TAOK3: variants seen among roughly 807,000 people sequenced by gnomAD.
TAOK3 encodes the protein TAO kinase 3, also known as serine/threonine-protein kinase TAO3.
A neutral mutation model predicts 120.4 loss-of-function variants in TAOK3; 40 were observed. The ratio of observed to expected loss-of-function variants is 0.33; its 90% CI spans 0.26 to 0.43. TAOK3 has a LOEUF of 0.43. TAOK3 is among the 20% of genes least tolerant of loss of function. TAOK3 has a pLI of 1.00. For missense variants in TAOK3, 821 were observed against 1,112.1 expected, an observed-to-expected ratio of 0.74 and a Z score of 3.72; for synonymous variants, 355 against 387.5, an observed-to-expected ratio of 0.92 and a Z score of 0.99.
At chr12:118,269,749 A>C (rs1593361313) in intron 1 of TAOK3, among the ~76,000 whole-genome samples, 1 of 152,132 alleles carries the variant, frequency 6.6e-6, no homozygotes, top group East Asian at 1.9e-4. Context: ...TTCTAAAATT[A>C]TCTCTCTAAG....
intron 1 of TAOK3, chr12:118,359,584 C>A (rs1300043505): frequency 6.6e-6 from 1 of 152,164 alleles, no homozygotes; most frequent in Non-Finnish European, 1.5e-5. Context: ...AAAGTTAATT[C>A]TCTTTTAAAC....
chr12:118,221,736 G>A (rs1056335717), intron 9 of TAOK3, among the ~76,000 whole-genome samples: 6 of 147,192 alleles, frequency 4.1e-5, no homozygotes, highest in African/African-American at 7.5e-5. Flanking sequence ...ACAGGTTCAC[G>A]CCATTCTCTT....
At chr12:118,246,197 C>T (rs1051170000) in intron 3 of TAOK3, 12 of 1,410,538 alleles carry the variant, frequency 8.5e-6, no homozygotes, top group African/African-American at 1.4e-5. Context: ...GCCGGGGTCG[C>T]GGCCGTGGAC....
In TAOK3 at chr12:118,233,667, T is replaced by C. The variant is rs1167546701; in HGVS notation, c.643+7A>G. 6.3e-7 allele frequency: 1 copy of C among 1,583,986 alleles called. No homozygotes were observed. Among genetic ancestry groups the C allele is most frequent in the African/African-American group, 1.3e-5 (1 of 74,164 alleles). On this transcript the variant is annotated splice_region_variant and intron_variant, in intron 9 of 20. Transcript: ENST00000392533. ...AATACAATGAAAACAAATAACTCTTTACTCACCCAATTCAATACAAGTGAT... is the reference window on the plus strand; with the variant it reads ...AATACAATGAAAACAAATAACTCTTCACTCACCCAATTCAATACAAGTGAT...
chr12:118,233,874 G>C, intron 8 of TAOK3, 109 bp from the exon 9 acceptor site: 1 of 683,778 alleles, frequency 1.5e-6, no homozygotes, highest in South Asian at 1.7e-5. Flanking sequence ...AATTTTATCT[G>C]ATATAGATAT....
chr12:118,237,632 A>C (rs2040070083), intron 7 of TAOK3, among the ~76,000 whole-genome samples: 1 of 152,218 alleles, frequency 6.6e-6, no homozygotes, highest in Non-Finnish European at 1.5e-5. Flanking sequence ...CTAAGTATCT[A>C]TATGAACTAT....
At chr12:118,334,858 G>T (rs2141057421) in intron 1 of TAOK3, among the ~76,000 whole-genome samples, 1 of 150,248 alleles carries the variant, frequency 6.7e-6, no homozygotes, top group Admixed American at 6.6e-5. Context: ...CTTGGGGCTT[G>T]GGTGACAGAG....
At chr12:118,342,874 C>G (rs2044674707) in intron 1 of TAOK3, among the ~76,000 whole-genome samples, 1 of 139,012 alleles carries the variant, frequency 7.2e-6, no homozygotes, top group Admixed American at 7.9e-5. Context: ...GCCAAGGTTA[C>G]AGTGAGTGGC....
intron 1 of TAOK3, among the ~76,000 whole-genome samples, chr12:118,303,987 C>G (rs1177248478): frequency 6.6e-6 from 1 of 152,184 alleles, no homozygotes; most frequent in Non-Finnish European, 1.5e-5. Flanking sequence ...CAGGTAACTT[C>G]TCTCTTTACA....
chr12:118,270,269 A>C (rs1246652841), intron 1 of TAOK3, among the ~76,000 whole-genome samples: 1 of 151,628 alleles, frequency 6.6e-6, no homozygotes, highest in Non-Finnish European at 1.5e-5. Context: ...CTGTTTTTCC[A>C]TTTCTCTGGC....
intron 1 of TAOK3, among the ~76,000 whole-genome samples, chr12:118,268,959 G>T (rs998207894): frequency 9.2e-5 from 14 of 151,998 alleles, no homozygotes; most frequent in Middle Eastern, 3.2e-3. Context: ...GGTGAGCCGA[G>T]ATCATGCCAT....
chr12:118,293,673 C>CA lies in TAOK3; in HGVS notation c.-193-26915dup, dbSNP rs1001779572. Among the ~76,000 whole-genome samples, 583 of 119,704 alleles carry CA rather than the reference C, an allele frequency of 4.9e-3. 1 individual carries two copies. The highest frequency in any genetic ancestry group is 0.01 in the African/African-American group (332 of 32,062). The allele number at this position is 119,704 out of a possible 152,430, so 78.5% of individuals were successfully genotyped here. On this transcript the variant is annotated intron_variant, in intron 1 of 20. Coordinates refer to ENST00000392533, the MANE Select transcript of TAOK3 (RefSeq NM_016281.4). The stretch of plus-strand genomic sequence containing the variant: ...TGGGTGATAGAGCGAGACTCTGTCT[C>CA]AAAAAAAAAAAGGAGAGACAAGCCA...
chr12:118,339,232 A>C (rs1050158300), intron 1 of TAOK3, among the ~76,000 whole-genome samples: 1 of 151,298 alleles, frequency 6.6e-6, no homozygotes, highest in African/African-American at 2.4e-5. Context: ...AGAAACCAAC[A>C]CAAGAGTTGG....
chr12:118,262,826 CAAA>C (rs61453663), intron 2 of TAOK3, among the ~76,000 whole-genome samples: 2 of 73,788 alleles, frequency 2.7e-5, no homozygotes, highest in Admixed American at 3.2e-4. Flanking sequence ...GACTCCGTCT[CAAA>C]AAAAAAAAAA....
intron 9 of TAOK3, among the ~76,000 whole-genome samples, chr12:118,224,946 G>A (rs199662287): frequency 2.6e-5 from 4 of 151,880 alleles, no homozygotes; most frequent in African/African-American, 4.8e-5. Context: ...ATGTAATTTC[G>A]ATGTTAAAAG....
chr12:118,161,775 G>C lies in TAOK3; in HGVS notation c.2139+13C>G. 1 of 1,613,988 alleles carries C rather than the reference G, an allele frequency of 6.2e-7. No individual in the cohort carries two copies. The highest frequency in any genetic ancestry group is 8.5e-7 in the Non-Finnish European group (1 of 1,179,980). ...TGATCTGGTCCAACACTGTCCAGCA[G>C]CACAAATCTTACCTTTAAGTTTTTT... On this transcript the variant is annotated intron_variant, in intron 18 of 20. Coordinates refer to ENST00000392533, the MANE Select transcript of TAOK3 (RefSeq NM_016281.4). This position sits in a 1 kb window ranked among gnomAD's most constrained non-coding sequence, Gnocchi z 4.5.
chr12:118,182,619 A>ATTTTTT (rs1468532462), intron 14 of TAOK3, among the ~76,000 whole-genome samples: 5 of 94,804 alleles, frequency 5.3e-5, no homozygotes, highest in Non-Finnish European at 8.0e-5. Context: ...ATATATATAT[A>ATTTTTT]TATATTTTTT....
chr12:118,182,624 T>TATATATATATA (rs371618546), intron 14 of TAOK3, among the ~76,000 whole-genome samples: 79 of 59,134 alleles, frequency 1.3e-3, no homozygotes, highest in African/African-American at 5.4e-3. Flanking sequence ...TATATATATA[T>TATATATATATA]TTTTTTTTTT....
chr12:118,369,600 C>T (rs61943371), intron 1 of TAOK3, among the ~76,000 whole-genome samples: 24,967 of 152,112 alleles, frequency 0.16, 2,139 homozygotes, highest in East Asian at 0.26. Flanking sequence ...CTTTGTAGAA[C>T]TATTGATATT....
Sources: gnomAD v4.1 joint callset for allele counts (sites outside exome capture counted in the v4.1 genomes callset) on GRCh38, gnomAD v4.1.1 for gene constraint, Gnocchi (gnomAD v3.1) non-coding constraint, MANE v1.5 for transcripts, NCBI Gene and HGNC (gene_info 2026-07-23, HGNC 2026-07-21) for gene names.